Variants in H4C9 observed in about 807,000 individuals in gnomAD.
H4C9 encodes the protein histone H4.
H4C9 carries 3 observed loss-of-function variants against 4.3 expected under a neutral mutation model. That is an observed-to-expected ratio of 0.70 (90% CI 0.32 to 1.82). The LOEUF (loss-of-function observed/expected upper bound fraction) is 1.82. Ranked by LOEUF, H4C9 falls within the 40% of genes most tolerant of loss-of-function variation. H4C9 has a pLI of 0.08. For missense variants in H4C9, 166 were observed against 158.3 expected (o/e 1.05, Z -0.26); for synonymous variants, 83 against 64.8 (o/e 1.28, Z -1.35).
At position 27,139,373 on chromosome 6, in the gene H4C9, T is replaced by C; in HGVS notation, c.65T>C (p.Val22Ala). ...GKGGAKRHRK[V>A]LRDNIQGITK... The stretch of plus-strand genomic sequence containing the variant: ...GGGGGTGCCAAGCGCCACCGCAAGG[T>C]GCTGCGCGACAACATCCAGGGTATC... The change falls in exon 1 of 1, where the codon GTG becomes GCG. Residue 22 changes from valine (V) to alanine (A), a missense_variant. Coordinates refer to ENST00000615353, the MANE Select transcript of H4C9 (RefSeq NM_003495.3). 6.2e-7 allele frequency: 1 copy of C among 1,614,178 alleles called. No individual in the cohort carries two copies. The highest frequency in any genetic ancestry group is 8.5e-7 in the Non-Finnish European group (1 of 1,180,022).
In H4C9 at chr6:27,139,383, C is replaced by A; in HGVS notation, c.75C>A (p.Asp25Glu). ...GAKRHRKVLR[D>E]NIQGITKPAI... ...AGCGCCACCGCAAGGTGCTGCGCGA[C>A]AACATCCAGGGTATCACCAAGCCAG... Residue 25 changes from aspartate (D) to glutamate (E), a missense_variant, in exon 1 of 1, where the codon GAC (aspartate) becomes GAA (glutamate). Asp to Glu is a conservative substitution (Grantham distance 45). Coordinates refer to ENST00000615353, the MANE Select transcript of H4C9 (RefSeq NM_003495.3). 1 of 1,614,236 alleles carries A rather than the reference C, an allele frequency of 6.2e-7. No individual in the cohort carries two copies. Among genetic ancestry groups the A allele is most frequent in the Non-Finnish European group, 8.5e-7 (1 of 1,180,038 alleles).
In H4C9 at chr6:27,139,331, G is replaced by T; in HGVS notation, c.23G>T (p.Gly8Val). 1.9e-6 allele frequency: 3 copies of T among 1,612,544 alleles called. No homozygotes were observed. Among genetic ancestry groups the T allele is most frequent in the Non-Finnish European group, 1.7e-6 (2 of 1,179,036 alleles). ...ATAATGTCAGGACGCGGCAAAGGAGGTAAGGGCCTGGGGAAAGGGGGTGCC... is the reference window on the plus strand; with the variant it reads ...ATAATGTCAGGACGCGGCAAAGGAGTTAAGGGCCTGGGGAAAGGGGGTGCC... Reference protein sequence around the residue: MSGRGKGGKGLGKGGAKR... With the variant: MSGRGKGVKGLGKGGAKR... Residue 8 changes from glycine (G) to valine (V), a missense_variant, in exon 1 of 1, where the codon GGT (glycine) becomes GTT (valine). Physicochemically the swap from Gly to Val is moderately radical, Grantham distance 109 (BLOSUM62 -3). Transcript: ENST00000615353.
At position 27,139,285 on chromosome 6, in the gene H4C9, C is replaced by T. The variant is rs1315959858; in HGVS notation, c.-24C>T. On this transcript the variant is annotated 5_prime_UTR_variant, in exon 1 of 1. Transcript: ENST00000615353. The stretch of plus-strand genomic sequence containing the variant: ...GAAAGCTGCCATCACAGGCAGCAGA[C>T]CTTTGTTCTCTGACCACTTGATAAT... The T allele has an allele frequency of 3.2e-6, 5 of 1,579,120 alleles. No individual in the cohort carries two copies. Among genetic ancestry groups the T allele is most frequent in the African/African-American group, 2.7e-5 (2 of 74,204 alleles).
In H4C9 at chr6:27,139,616, G is replaced by C; in HGVS notation, c.308G>C (p.Gly103Ala). The change falls in exon 1 of 1, where the codon GGC (glycine) becomes GCC (alanine). Residue 103 changes from glycine to alanine, a missense_variant. Gly to Ala is a moderately conservative substitution (Grantham distance 60, BLOSUM62 0). Transcript: ENST00000615353. Reference sequence around the variant, plus strand: ...GGCCGCACCCTCTATGGCTTCGGCGGCTAAATGGCATTTTGAAGCCCAGTC... The same window carrying C: ...GGCCGCACCCTCTATGGCTTCGGCGCCTAAATGGCATTTTGAAGCCCAGTC... ...RQGRTLYGFGG is the reference protein window; with the variant it reads ...RQGRTLYGFGA 1 of 1,606,384 alleles carries C rather than the reference G, an allele frequency of 6.2e-7. No individual in the cohort carries two copies. Among genetic ancestry groups the C allele is most frequent in the Non-Finnish European group, 8.5e-7 (1 of 1,176,128 alleles).
At position 27,139,419 on chromosome 6, in the gene H4C9, C is replaced by T. The variant is rs1759965251; in HGVS notation, c.111C>T (p.Arg37=). The T allele has an allele frequency of 6.2e-7, 1 of 1,614,134 alleles. No individual in the cohort carries two copies. The highest frequency in any genetic ancestry group is 1.7e-5 in the Admixed American group (1 of 60,016). The change falls in exon 1 of 1, where the codon CGC becomes CGT. Residue 37 remains arginine (R), a synonymous_variant. Transcript: ENST00000615353. ...IQGITKPAIR[R]LARRGGVKRI... ...GTATCACCAAGCCAGCCATTCGGCG[C>T]CTTGCTCGCCGCGGCGGCGTGAAGC... is the stretch of plus-strand genomic sequence containing the variant.
At position 27,139,567 on chromosome 6, in the gene H4C9, G is replaced by A. The variant is rs376974407; in HGVS notation, c.259G>A (p.Val87Met). Residue 87 changes from valine to methionine, a missense_variant, in exon 1 of 1, where the codon GTG becomes ATG. Physicochemically the swap from Val to Met is conservative, Grantham distance 21 (BLOSUM62 1). Coordinates refer to ENST00000615353, the MANE Select transcript of H4C9 (RefSeq NM_003495.3). ...GCGCAAGACGGTCACCGCCATGGACGTGGTCTACGCGCTCAAGCGCCAGGG... is the reference window on the plus strand; with the variant it reads ...GCGCAAGACGGTCACCGCCATGGACATGGTCTACGCGCTCAAGCGCCAGGG... ...AKRKTVTAMD[V>M]VYALKRQGRT... The A allele has an allele frequency of 1.7e-5, 28 of 1,613,880 alleles. No individual in the cohort carries two copies. The South Asian group carries it at 2.2e-4, about 13-fold the overall frequency.
In H4C9 at chr6:27,139,474, C is replaced by A. The variant is rs200159567; in HGVS notation, c.166C>A (p.Arg56Ser). The A allele has an allele frequency of 6.2e-7, 1 of 1,614,054 alleles. No homozygotes were observed. The highest frequency in any genetic ancestry group is 1.3e-5 in the African/African-American group (1 of 74,926). Residue 56 changes from arginine to serine, a missense_variant, in exon 1 of 1, where the codon CGC becomes AGC. By Grantham distance (110) the Arg-to-Ser change is moderately radical. Transcript: ENST00000615353. The part of the protein sequence containing the change: ...RISGLIYEET[R>S]GVLKVFLENV... ...TTCTGGCCTCATCTATGAGGAGACC[C>A]GCGGAGTGTTGAAGGTGTTCCTGGA...
chr6:27,139,402 A>AAGCC lies in H4C9; in HGVS notation c.100_103dup (p.Ile35SerfsTer20). On this transcript the variant is annotated frameshift_variant, in exon 1 of 1. Transcript: ENST00000615353. LOFTEE classifies it high-confidence loss of function. ...GCGCGACAACATCCAGGGTATCACC[A>AAGCC]AGCCAGCCATTCGGCGCCTTGCTCG... 1 of 1,614,204 alleles carries AAGCC rather than the reference A, an allele frequency of 6.2e-7. No homozygotes were observed. Among genetic ancestry groups the AAGCC allele is most frequent in the Non-Finnish European group, 8.5e-7 (1 of 1,180,024 alleles).
Position 27,139,366 on chromosome 6 carries a change from C to G in H4C9, c.58C>G (p.Arg20Gly), listed in dbSNP as rs1033744580. Residue 20 changes from arginine to glycine, a missense_variant, in exon 1 of 1, where the codon CGC becomes GGC. Arg to Gly is a moderately radical substitution (Grantham distance 125). Coordinates refer to ENST00000615353, the MANE Select transcript of H4C9 (RefSeq NM_003495.3). ...GLGKGGAKRH[R>G]KVLRDNIQGI... ...GGGGAAAGGGGGTGCCAAGCGCCAC[C>G]GCAAGGTGCTGCGCGACAACATCCA... is the stretch of plus-strand genomic sequence containing the variant. 3 of 1,614,116 alleles carry G rather than the reference C, an allele frequency of 1.9e-6. No individual in the cohort carries two copies. Among genetic ancestry groups the G allele is most frequent in the Non-Finnish European group, 2.5e-6 (3 of 1,179,998 alleles).
chr6:27,139,515 C>T lies in H4C9; in HGVS notation c.207C>T (p.Asp69=). The part of the protein sequence containing the change: ...LKVFLENVIR[D]AVTYTEHAKR... The stretch of plus-strand genomic sequence containing the variant: ...TGTTCCTGGAGAACGTGATCCGGGA[C>T]GCCGTGACCTACACGGAGCACGCCA... The change falls in exon 1 of 1, where the codon GAC becomes GAT. Residue 69 remains aspartate, a synonymous_variant. Transcript: ENST00000615353. 1.2e-6 allele frequency: 2 copies of T among 1,613,896 alleles called. No homozygotes were observed.
At position 27,139,331 on chromosome 6, in the gene H4C9, G is replaced by C. The variant is rs755241311; in HGVS notation, c.23G>C (p.Gly8Ala). 58 of 1,612,544 alleles carry C rather than the reference G, an allele frequency of 3.6e-5. No individual in the cohort carries two copies. The African/African-American group carries it at 7.5e-4, about 21-fold the overall frequency. ...ATAATGTCAGGACGCGGCAAAGGAG[G>C]TAAGGGCCTGGGGAAAGGGGGTGCC... MSGRGKGGKGLGKGGAKR... is the reference protein window; with the variant it reads MSGRGKGAKGLGKGGAKR... The change falls in exon 1 of 1, where the codon GGT (glycine) becomes GCT (alanine). Residue 8 changes from glycine to alanine, a missense_variant. By Grantham distance (60) the Gly-to-Ala change is moderately conservative. Coordinates refer to ENST00000615353, the MANE Select transcript of H4C9 (RefSeq NM_003495.3).
rs1033744580 is a variant in H4C9 at position 27,139,366 on chromosome 6, C to T, written c.58C>T (p.Arg20Cys). The change falls in exon 1 of 1, where the codon CGC (arginine) becomes TGC (cysteine). Residue 20 changes from arginine (R) to cysteine (C), a missense_variant. By Grantham distance (180) the Arg-to-Cys change is radical. Transcript: ENST00000615353. ...GGGGAAAGGGGGTGCCAAGCGCCACCGCAAGGTGCTGCGCGACAACATCCA... is the reference window on the plus strand; with the variant it reads ...GGGGAAAGGGGGTGCCAAGCGCCACTGCAAGGTGCTGCGCGACAACATCCA... ...GLGKGGAKRH[R>C]KVLRDNIQGI... The T allele has an allele frequency of 1.6e-5, 26 of 1,613,998 alleles. No individual in the cohort carries two copies. Among genetic ancestry groups the T allele is most frequent in the Non-Finnish European group, 1.8e-5 (21 of 1,180,006 alleles).
Position 27,139,418 on chromosome 6 carries a change from G to C in H4C9, c.110G>C (p.Arg37Pro). 4.3e-6 allele frequency: 7 copies of C among 1,614,242 alleles called. No homozygotes were observed. Among genetic ancestry groups the C allele is most frequent in the Non-Finnish European group, 5.9e-6 (7 of 1,180,040 alleles). Residue 37 changes from arginine (R) to proline (P), a missense_variant, in exon 1 of 1, where the codon CGC becomes CCC. Physicochemically the swap from Arg to Pro is moderately radical, Grantham distance 103 (BLOSUM62 -2). Transcript: ENST00000615353. ...GGTATCACCAAGCCAGCCATTCGGCGCCTTGCTCGCCGCGGCGGCGTGAAG... is the reference window on the plus strand; with the variant it reads ...GGTATCACCAAGCCAGCCATTCGGCCCCTTGCTCGCCGCGGCGGCGTGAAG... ...IQGITKPAIR[R>P]LARRGGVKRI...
rs531123491 is a variant in H4C9 at position 27,139,536 on chromosome 6, C to A, written c.228C>A (p.His76Gln). 1 of 1,614,198 alleles carries A rather than the reference C, an allele frequency of 6.2e-7. No homozygotes were observed. The highest frequency in any genetic ancestry group is 2.2e-5 in the East Asian group (1 of 44,858). ...VIRDAVTYTE[H>Q]AKRKTVTAMD... ...GGGACGCCGTGACCTACACGGAGCA[C>A]GCCAAGCGCAAGACGGTCACCGCCA... is the stretch of plus-strand genomic sequence containing the variant. Residue 76 changes from histidine (H) to glutamine (Q), a missense_variant, in exon 1 of 1, where the codon CAC (histidine) becomes CAA (glutamine). His to Gln is a conservative substitution (Grantham distance 24). Coordinates refer to ENST00000615353, the MANE Select transcript of H4C9 (RefSeq NM_003495.3).
rs369247236 is a variant in H4C9 at position 27,139,335 on chromosome 6, G to T, written c.27G>T (p.Lys9Asn). Residue 9 changes from lysine (K) to asparagine (N), a missense_variant, in exon 1 of 1, where the codon AAG (lysine) becomes AAT (asparagine). By Grantham distance (94) the Lys-to-Asn change is moderately conservative. Transcript: ENST00000615353. ...TGTCAGGACGCGGCAAAGGAGGTAAGGGCCTGGGGAAAGGGGGTGCCAAGC... is the reference window on the plus strand; with the variant it reads ...TGTCAGGACGCGGCAAAGGAGGTAATGGCCTGGGGAAAGGGGGTGCCAAGC... MSGRGKGG[K>N]GLGKGGAKRH... The T allele has an allele frequency of 6.2e-7, 1 of 1,612,882 alleles. No homozygotes were observed. The highest frequency in any genetic ancestry group is 1.3e-5 in the African/African-American group (1 of 74,936).
Position 27,139,570 on chromosome 6 carries a change from G to C in H4C9, c.262G>C (p.Val88Leu). Residue 88 changes from valine to leucine, a missense_variant, in exon 1 of 1, where the codon GTC becomes CTC. By Grantham distance (32) the Val-to-Leu change is conservative. Transcript: ENST00000615353. ...KRKTVTAMDVVYALKRQGRTL... is the reference protein window; with the variant it reads ...KRKTVTAMDVLYALKRQGRTL... ...CAAGACGGTCACCGCCATGGACGTGGTCTACGCGCTCAAGCGCCAGGGCCG... is the reference window on the plus strand; with the variant it reads ...CAAGACGGTCACCGCCATGGACGTGCTCTACGCGCTCAAGCGCCAGGGCCG... The C allele has an allele frequency of 1.2e-6, 2 of 1,613,964 alleles. No homozygotes were observed. Among genetic ancestry groups the C allele is most frequent in the South Asian group, 2.2e-5 (2 of 91,072 alleles).
rs1314809806 is a variant in H4C9 at position 27,139,530 on chromosome 6, G to A, written c.222G>A (p.Thr74=). The A allele has an allele frequency of 6.2e-7, 1 of 1,614,040 alleles. No individual in the cohort carries two copies. The highest frequency in any genetic ancestry group is 1.3e-5 in the African/African-American group (1 of 74,926). Residue 74 remains threonine, a synonymous_variant, in exon 1 of 1, where the codon ACG becomes ACA. Transcript: ENST00000615353. ...TGATCCGGGACGCCGTGACCTACAC[G>A]GAGCACGCCAAGCGCAAGACGGTCA... The part of the protein sequence containing the change: ...ENVIRDAVTY[T]EHAKRKTVTA...
rs1431225376 is a variant in H4C9, at chr6:27,139,287, T to G, written c.-22T>G. 1.3e-6 allele frequency: 2 copies of G among 1,581,304 alleles called. No individual in the cohort carries two copies. The highest frequency in any genetic ancestry group is 1.7e-6 in the Non-Finnish European group (2 of 1,162,362). On this transcript the variant is annotated 5_prime_UTR_variant, in exon 1 of 1. Coordinates refer to ENST00000615353, the MANE Select transcript of H4C9 (RefSeq NM_003495.3). ...AAGCTGCCATCACAGGCAGCAGACC[T>G]TTGTTCTCTGACCACTTGATAATGT...
Position 27,139,367 on chromosome 6 carries a change from G to A in H4C9, c.59G>A (p.Arg20His). The change falls in exon 1 of 1, where the codon CGC (arginine) becomes CAC (histidine). Residue 20 changes from arginine to histidine, a missense_variant. Physicochemically the swap from Arg to His is conservative, Grantham distance 29 (BLOSUM62 0). Transcript: ENST00000615353. ...GGGAAAGGGGGTGCCAAGCGCCACC[G>A]CAAGGTGCTGCGCGACAACATCCAG... ...GLGKGGAKRHRKVLRDNIQGI... is the reference protein window; with the variant it reads ...GLGKGGAKRHHKVLRDNIQGI... 1.9e-6 allele frequency: 3 copies of A among 1,614,164 alleles called. No individual in the cohort carries two copies. Among genetic ancestry groups the A allele is most frequent in the South Asian group, 1.1e-5 (1 of 91,070 alleles).
Sources: allele counts gnomAD v4.1 joint callset, GRCh38; gene constraint gnomAD v4.1.1; transcripts MANE v1.5; gene names NCBI Gene and HGNC (gene_info 2026-07-23, HGNC 2026-07-21).